The following NRG3 variants were observed in gnomAD, a reference collection of about 807,000 sequenced individuals.
NRG3 encodes the protein pro-neuregulin-3, membrane-bound isoform.
NRG3 carries 31 observed loss-of-function variants against 66.9 expected under a neutral mutation model. That is an observed-to-expected ratio of 0.46 (90% CI 0.35 to 0.63). The LOEUF (loss-of-function observed/expected upper bound fraction) is 0.63, where lower values mean the gene tolerates loss of function less well. Ranked by LOEUF, NRG3 falls within the 20% of genes least tolerant of loss-of-function variation. The pLI is 0.00. For synonymous variants in NRG3, 393 were observed against 359.4 expected, an observed-to-expected ratio of 1.09 and a Z score of -1.06; for missense variants, 910 against 878.9, an observed-to-expected ratio of 1.04 and a Z score of -0.45.
chr10:82,648,415 G>A (rs2051133295), intron 2 of NRG3, among the ~76,000 whole-genome samples: 1 of 152,156 alleles, frequency 6.6e-6, no homozygotes, highest in Non-Finnish European at 1.5e-5. Context: ...TAGCCTTGTA[G>A]TATAGTTTGA....
intron 1 of NRG3, among the ~76,000 whole-genome samples, chr10:81,999,843 G>A (rs1374669791): frequency 6.6e-6 from 1 of 152,182 alleles, no homozygotes; most frequent in African/African-American, 2.4e-5. Context: ...TGAGTCCAGT[G>A]TAGTGGGAGC....
At chr10:82,969,278 A>AT in intron 6 of NRG3, among the ~76,000 whole-genome samples, 1 of 152,336 alleles carries the variant, frequency 6.6e-6, no homozygotes, top group Non-Finnish European at 1.5e-5. Context: ...ATAAAAAAAG[A>AT]TATGTCTTTT....
intron 2 of NRG3, among the ~76,000 whole-genome samples, chr10:82,421,900 G>T (rs572560494): frequency 9.9e-5 from 15 of 152,036 alleles, no homozygotes; most frequent in East Asian, 3.9e-4. Context: ...GTCCCTTCTG[G>T]GTGTCATTTC....
At chr10:82,466,222 G>C (rs1840662902) in intron 2 of NRG3, among the ~76,000 whole-genome samples, 2 of 151,940 alleles carry the variant, frequency 1.3e-5, no homozygotes. Context: ...AACTCTGACT[G>C]CCCTTGGAAT....
chr10:82,859,935 CATT>C (rs2064026849), intron 3 of NRG3, among the ~76,000 whole-genome samples: 1 of 151,764 alleles, frequency 6.6e-6, no homozygotes, highest in African/African-American at 2.4e-5. Flanking sequence ...TAAAAAAAAA[CATT>C]CATTTTGTCT....
At chr10:82,553,625 T>A (rs757844908) in intron 2 of NRG3, among the ~76,000 whole-genome samples, 32 of 152,110 alleles carry the variant, frequency 2.1e-4, no homozygotes, top group Admixed American at 1.2e-3. Flanking sequence ...CATAGCTGAA[T>A]GCGAAAGAAT....
chr10:82,160,878 AC>A (rs2071539351), intron 1 of NRG3, among the ~76,000 whole-genome samples: 1 of 152,048 alleles, frequency 6.6e-6, no homozygotes, highest in Non-Finnish European at 1.5e-5. Context: ...AATGAAGCTC[AC>A]TGTTAATATG....
chr10:82,235,052 C>CT (rs1463178265), intron 1 of NRG3, among the ~76,000 whole-genome samples: 8 of 152,334 alleles, frequency 5.3e-5, no homozygotes, highest in African/African-American at 1.9e-4. Flanking sequence ...CAGTGTCTTC[C>CT]TGCATTCCCA....
At chr10:81,943,991 C>T (rs940201049) in intron 1 of NRG3, among the ~76,000 whole-genome samples, 1 of 152,106 alleles carries the variant, frequency 6.6e-6, no homozygotes, top group South Asian at 2.1e-4. Context: ...TGCAGGTGTG[C>T]TGAGATGGTT....
At chr10:82,766,060 CTT>C (rs2059500500) in intron 3 of NRG3, among the ~76,000 whole-genome samples, 1 of 152,062 alleles carries the variant, frequency 6.6e-6, no homozygotes, top group Non-Finnish European at 1.5e-5. Context: ...TTTAAATGCT[CTT>C]TTGATATGTG....
chr10:82,678,585 A>G (rs2053884420), intron 2 of NRG3, among the ~76,000 whole-genome samples: 1 of 152,156 alleles, frequency 6.6e-6, no homozygotes, highest in African/African-American at 2.4e-5. Context: ...CAGAGGCCTG[A>G]CACCTGGCAC....
intron 2 of NRG3, among the ~76,000 whole-genome samples, chr10:82,501,996 G>A (rs1238845115): frequency 2.0e-5 from 3 of 152,056 alleles, no homozygotes; most frequent in African/African-American, 7.2e-5. Context: ...GATTGCTGAA[G>A]GACTGAATCA....
intron 1 of NRG3, among the ~76,000 whole-genome samples, chr10:81,940,654 C>G (rs1028176093): frequency 1.3e-5 from 2 of 152,030 alleles, no homozygotes; most frequent in African/African-American, 4.8e-5. Context: ...TGCAGAAGCT[C>G]TTTGCAGTAC....
At chr10:82,326,488 C>T (rs780949099) in intron 1 of NRG3, among the ~76,000 whole-genome samples, 3 of 151,862 alleles carry the variant, frequency 2.0e-5, no homozygotes, top group Non-Finnish European at 4.4e-5. Flanking sequence ...TTGAAAATAG[C>T]TTTTTGTTCT....
intron 2 of NRG3, among the ~76,000 whole-genome samples, chr10:82,408,089 A>AGAG (rs1564888139): frequency 6.0e-4 from 33 of 54,872 alleles, no homozygotes; most frequent in African/African-American, 2.1e-3. Flanking sequence ...GAGAGACAGA[A>AGAG]AGAAAGAAAG....
intron 1 of NRG3, among the ~76,000 whole-genome samples, chr10:82,357,509 A>G (rs1039806535): frequency 6.6e-6 from 1 of 152,202 alleles, no homozygotes; most frequent in South Asian, 2.1e-4. Flanking sequence ...GAGGCTGGGA[A>G]GTCTAAGGTC....
Position 82,005,469 on chromosome 10 carries a change from A to G in NRG3, c.823+129306A>G, listed in dbSNP as rs191104504. Among the ~76,000 whole-genome samples the G allele has an allele frequency of 4.8e-4, 73 of 152,290 alleles. No individual in the cohort carries two copies. The East Asian group carries it at 0.014, about 28-fold the overall frequency. On this transcript the variant is annotated intron_variant, in intron 1 of 8. Transcript: ENST00000372141. The stretch of plus-strand genomic sequence containing the variant: ...GATAAAATTTGACCCGTGCATGAAA[A>G]GAAGACAGCTGATTCTTTAAAGCCT...
intron 2 of NRG3, among the ~76,000 whole-genome samples, chr10:82,360,799 G>A (rs2084083638): frequency 6.6e-6 from 1 of 152,120 alleles, no homozygotes; most frequent in African/African-American, 2.4e-5. Flanking sequence ...TCAAGGAGAT[G>A]TACCTTATTA....
chr10:81,991,013 A>G (rs935239963), intron 1 of NRG3, among the ~76,000 whole-genome samples: 2 of 152,166 alleles, frequency 1.3e-5, no homozygotes, highest in African/African-American at 4.8e-5. Context: ...AAATTTGAGA[A>G]GCCTCCATTG....
Sources: allele counts gnomAD v4.1 joint callset (sites outside exome capture counted in the v4.1 genomes callset), GRCh38; gene constraint gnomAD v4.1.1; transcripts MANE v1.5; gene names NCBI Gene and HGNC (gene_info 2026-07-23, HGNC 2026-07-21).